The following NRCAM variants were observed in gnomAD, a reference collection of about 807,000 sequenced individuals.
The protein encoded by NRCAM is NgCAM-related cell adhesion molecule.
NRCAM carries 83 observed loss-of-function variants against 156.5 expected under a neutral mutation model. The ratio of observed to expected loss-of-function variants is 0.53; its 90% CI spans 0.44 to 0.64. The LOEUF is 0.64. NRCAM is among the 30% of genes least tolerant of loss of function. NRCAM has a pLI of 0.00. For missense variants in NRCAM, 1,417 were observed against 1,597.3 expected, an observed-to-expected ratio of 0.89 and a Z score of 1.92; for synonymous variants, 538 against 563.9, an observed-to-expected ratio of 0.95 and a Z score of 0.65.
chr7:108,455,391 C>T (rs1042805209), intron 1 of NRCAM, among the ~76,000 whole-genome samples: 1 of 152,162 alleles, frequency 6.6e-6, no homozygotes, highest in Non-Finnish European at 1.5e-5. Flanking sequence ...AACACAGCAT[C>T]CCGGGCGGAG....
At chr7:108,193,991 T>G (rs747029859) in intron 17 of NRCAM, 33 bp downstream of exon 17, 1 of 1,604,120 alleles carries the variant, frequency 6.2e-7, no homozygotes, top group Non-Finnish European at 8.5e-7. Context: ...AAAGAAAGAA[T>G]GAAGAGAAAG....
intron 2 of NRCAM, among the ~76,000 whole-genome samples, chr7:108,369,851 A>G (rs2099617512): frequency 6.6e-6 from 1 of 152,180 alleles, no homozygotes. Context: ...CTTAGAATAT[A>G]AAATTTTTAA....
intron 7 of NRCAM, 131 bp downstream of exon 7, chr7:108,232,195 T>G (rs17389158): frequency 1.6e-5 from 11 of 677,408 alleles, no homozygotes; most frequent in South Asian, 9.1e-5. Context: ...ATAACTTTCA[T>G]GCAAAACAAA....
rs548921465 is a variant in NRCAM, at chr7:108,423,854, A to G, written c.-331-24261T>C. ...GGCTAGAAACACCTAGCTACAGGGA[A>G]GCCACATAATTGACATATGCTGACG... On this transcript the variant is annotated intron_variant, in intron 1 of 32. Transcript: ENST00000379028. 1.5e-3 allele frequency among the ~76,000 whole-genome samples: 227 copies of G among 152,366 alleles called. 1 individual carries two copies. Among genetic ancestry groups the G allele is most frequent in the African/African-American group, 5.2e-3 (218 of 41,596 alleles).
At chr7:108,233,193 T>C (rs1419849316) in intron 6 of NRCAM, among the ~76,000 whole-genome samples, 2 of 152,232 alleles carry the variant, frequency 1.3e-5, no homozygotes, top group South Asian at 2.1e-4. Flanking sequence ...GATTGACTTA[T>C]ATAAAAGTCA....
At chr7:108,210,740 G>C in intron 11 of NRCAM, among the ~76,000 whole-genome samples, 1 of 152,054 alleles carries the variant, frequency 6.6e-6, no homozygotes, top group Non-Finnish European at 1.5e-5. Flanking sequence ...TTTTCATGAA[G>C]GTAAAATAAA....
intron 3 of NRCAM, among the ~76,000 whole-genome samples, chr7:108,266,512 T>C (rs929595982): frequency 1.9e-4 from 29 of 152,322 alleles, no homozygotes; most frequent in Admixed American, 1.2e-3. Flanking sequence ...TGCACACGCA[T>C]GTGTGTTCTC....
chr7:108,351,185 T>A (rs898513331), intron 2 of NRCAM, among the ~76,000 whole-genome samples: 1 of 152,110 alleles, frequency 6.6e-6, no homozygotes, highest in Non-Finnish European at 1.5e-5. Flanking sequence ...AGGGATGAGT[T>A]TGGCCCCCCT....
chr7:108,267,265 T>A (rs1054385794), intron 3 of NRCAM, among the ~76,000 whole-genome samples: 1 of 152,256 alleles, frequency 6.6e-6, no homozygotes, highest in African/African-American at 2.4e-5. Context: ...GGGCAACCAG[T>A]GCCTCTGCTT....
At chr7:108,229,943 C>T (rs541780687) in intron 8 of NRCAM, among the ~76,000 whole-genome samples, 1 of 152,232 alleles carries the variant, frequency 6.6e-6, no homozygotes, top group African/African-American at 2.4e-5. Context: ...CCTCAGTTTC[C>T]TCATCTGGAA....
At chr7:108,430,880 GA>G (rs1432683393) in intron 1 of NRCAM, among the ~76,000 whole-genome samples, 1 of 152,100 alleles carries the variant, frequency 6.6e-6, no homozygotes, top group African/African-American at 2.4e-5. Context: ...GGTAGCTGCT[GA>G]AACTCCAGCA....
chr7:108,227,644 G>A (rs1162750913), intron 8 of NRCAM, among the ~76,000 whole-genome samples: 5 of 151,928 alleles, frequency 3.3e-5, no homozygotes, highest in African/African-American at 1.2e-4. Context: ...GCCAGCTAAT[G>A]GACATCCTGA....
At chr7:108,357,977 G>A (rs1156833812) in intron 2 of NRCAM, among the ~76,000 whole-genome samples, 4 of 152,042 alleles carry the variant, frequency 2.6e-5, no homozygotes, top group Admixed American at 6.6e-5. Context: ...TCATCCCTAC[G>A]GATTGGCTTG....
chr7:108,191,959 G>T, intron 17 of NRCAM, 106 bp from the exon 18 acceptor site: 3 of 1,308,488 alleles, frequency 2.3e-6, no homozygotes, highest in South Asian at 1.6e-5. Context: ...GGAGAAAGAT[G>T]GTAAACACTT....
Position 108,271,122 on chromosome 7 carries a change from G to A in NRCAM, c.-106-30952C>T, listed in dbSNP as rs556256346. On this transcript the variant is annotated intron_variant, in intron 3 of 32. Coordinates refer to ENST00000379028, the MANE Select transcript of NRCAM (RefSeq NM_001037132.4). The stretch of plus-strand genomic sequence containing the variant: ...AGCTATACTTAAAAATGGTTAAAAC[G>A]ATAAATTATGTATATTATGTTATGC... 2.6e-5 allele frequency among the ~76,000 whole-genome samples: 4 copies of A among 152,190 alleles called. No homozygotes were observed. In the South Asian group the frequency reaches 8.3e-4, roughly 32 times the overall value.
intron 6 of NRCAM, 69 bp downstream of exon 6, chr7:108,234,514 A>T (rs371010338): frequency 1.4e-5 from 14 of 989,294 alleles, no homozygotes; most frequent in African/African-American, 1.1e-4. Flanking sequence ...ATTCCCAAAC[A>T]TATTTCTCTA....
At chr7:108,209,747 C>T (rs1401012802) in intron 11 of NRCAM, 142 bp from the exon 12 acceptor site, 1 of 633,272 alleles carries the variant, frequency 1.6e-6, no homozygotes, top group Non-Finnish European at 2.7e-6. Context: ...TAGCACCACA[C>T]TTTTATAAAT....
At chr7:108,412,013 T>C (rs1037899349) in intron 1 of NRCAM, among the ~76,000 whole-genome samples, 5 of 152,232 alleles carry the variant, frequency 3.3e-5, no homozygotes, top group African/African-American at 1.2e-4. Flanking sequence ...ATGGAATTTT[T>C]GGTTCAATGA....
chr7:108,214,401 TCTCTATA>T (rs1413546618), intron 11 of NRCAM, among the ~76,000 whole-genome samples: 1 of 152,182 alleles, frequency 6.6e-6, no homozygotes, highest in Non-Finnish European at 1.5e-5. Context: ...TTTATAGTAT[TCTCTATA>T]CTCTATATGG....
Sources: allele counts gnomAD v4.1 joint callset (sites outside exome capture counted in the v4.1 genomes callset), GRCh38; gene constraint gnomAD v4.1.1; transcripts MANE v1.5; gene names NCBI Gene and HGNC (gene_info 2026-07-23, HGNC 2026-07-21).